The following ZNF804B variants were observed in gnomAD, a reference collection of about 807,000 sequenced individuals.
The protein encoded by ZNF804B is zinc finger 804B.
Under a neutral mutation model 101.4 loss-of-function variants are expected in ZNF804B, and 80 were observed. The ratio of observed to expected loss-of-function variants is 0.79; its 90% confidence interval spans 0.66 to 0.95. The LOEUF (loss-of-function observed/expected upper bound fraction) is 0.95. Ranked by LOEUF, ZNF804B falls within the 40% of genes least tolerant of loss-of-function variation. ZNF804B has a pLI of 0.00. For missense variants in ZNF804B, 1,673 were observed against 1,561.9 expected (o/e 1.07, Z -1.20); for synonymous variants, 622 against 558.8 (o/e 1.11, Z -1.59).
At chr7:89,131,849 A>G (rs1479536719) in intron 1 of ZNF804B, among the ~76,000 whole-genome samples, 1 of 151,982 alleles carries the variant, frequency 6.6e-6, no homozygotes, top group African/African-American at 2.4e-5. Context: ...CTGGAGACGT[A>G]CTCAACCTGT....
chr7:89,035,930 ATATAT>A lies in ZNF804B; in HGVS notation c.109-182214_109-182210del, dbSNP rs561797978. On this transcript the variant is annotated intron_variant, in intron 1 of 3. Coordinates refer to ENST00000333190, the MANE Select transcript of ZNF804B (RefSeq NM_181646.5). ...TTTATATATTATATATAATATATTA[ATATAT>A]TATATTATATATTTATATTATATAC... Among the ~76,000 whole-genome samples, 834 of 144,796 alleles carry A rather than the reference ATATAT, an allele frequency of 5.8e-3. 12 individuals are homozygous for A. Among genetic ancestry groups the A allele is most frequent in the African/African-American group, 0.02 (783 of 39,768 alleles). 95.0% of individuals were successfully genotyped at this position (144,796 alleles called of 152,430 possible).
intron 1 of ZNF804B, among the ~76,000 whole-genome samples, chr7:89,068,678 G>A (rs1380178467): frequency 1.3e-5 from 2 of 152,186 alleles, no homozygotes; most frequent in African/African-American, 2.4e-5. Flanking sequence ...TACCTGGAAT[G>A]TTTTAACATT....
At chr7:88,922,697 C>T (rs1792736277) in intron 1 of ZNF804B, among the ~76,000 whole-genome samples, 1 of 151,782 alleles carries the variant, frequency 6.6e-6, no homozygotes, top group Non-Finnish European at 1.5e-5. Context: ...GTGTAATGTG[C>T]TATTTACCAA....
At chr7:88,867,120 C>T (rs1420981829) in intron 1 of ZNF804B, among the ~76,000 whole-genome samples, 1 of 152,092 alleles carries the variant, frequency 6.6e-6, no homozygotes, top group African/African-American at 2.4e-5. Flanking sequence ...AAGGAAAACC[C>T]TTGACATCAT....
At chr7:89,327,254 C>G (rs1331241408) in intron 2 of ZNF804B, 90 bp from the exon 3 acceptor site, 1 of 1,298,778 alleles carries the variant, frequency 7.7e-7, no homozygotes, top group African/African-American at 1.5e-5. Flanking sequence ...CACCTCTGCA[C>G]TTAGGATAAA....
chr7:88,957,330 T>C (rs989207353), intron 1 of ZNF804B, among the ~76,000 whole-genome samples: 8 of 151,482 alleles, frequency 5.3e-5, no homozygotes, highest in Admixed American at 4.6e-4. Flanking sequence ...CATTGCATTA[T>C]GATTTTCTAT....
chr7:88,876,011 C>G (rs1236477810), intron 1 of ZNF804B, among the ~76,000 whole-genome samples: 1 of 152,114 alleles, frequency 6.6e-6, no homozygotes, highest in Admixed American at 6.6e-5. Context: ...TCAATATATG[C>G]AAATCAATAA....
chr7:89,038,871 G>T (rs1043687895), intron 1 of ZNF804B, among the ~76,000 whole-genome samples: 4 of 151,848 alleles, frequency 2.6e-5, no homozygotes, highest in Admixed American at 6.6e-5. Flanking sequence ...AATTCTTCTG[G>T]AAGTGGATAT....
chr7:89,066,134 G>T (rs975986473), intron 1 of ZNF804B, among the ~76,000 whole-genome samples: 1 of 152,164 alleles, frequency 6.6e-6, no homozygotes, highest in Non-Finnish European at 1.5e-5. Context: ...GTGTTGGATA[G>T]TTTCAAGCAT....
chr7:88,945,911 A>G (rs1793121405), intron 1 of ZNF804B, among the ~76,000 whole-genome samples: 2 of 152,044 alleles, frequency 1.3e-5, no homozygotes, highest in Non-Finnish European at 2.9e-5. Context: ...GGTGTATAGG[A>G]ATGCTTGTGA....
intron 1 of ZNF804B, among the ~76,000 whole-genome samples, chr7:88,988,345 G>T (rs1413065944): frequency 6.6e-6 from 1 of 152,008 alleles, no homozygotes; most frequent in Non-Finnish European, 1.5e-5. Context: ...GTGGAGACTT[G>T]GTTTCTGAGC....
chr7:89,001,875 C>G (rs2116173769), intron 1 of ZNF804B, among the ~76,000 whole-genome samples: 1 of 151,464 alleles, frequency 6.6e-6, no homozygotes, highest in South Asian at 2.1e-4. Flanking sequence ...TATTATTGTC[C>G]TTTTCTTATC....
chr7:88,966,142 G>C (rs1019366779), intron 1 of ZNF804B, among the ~76,000 whole-genome samples: 2 of 151,348 alleles, frequency 1.3e-5, no homozygotes, highest in Non-Finnish European at 3.0e-5. Flanking sequence ...AGCATGTTTT[G>C]AAGGAATTCT....
chr7:88,845,295 G>GCACACACACA (rs1260085679), intron 1 of ZNF804B, among the ~76,000 whole-genome samples: 6 of 101,312 alleles, frequency 5.9e-5, no homozygotes, highest in African/African-American at 2.6e-4. Flanking sequence ...GCGCGCGCAC[G>GCACACACACA]CGCGCGCACA....
At chr7:88,819,609 A>T (rs1790943190) in intron 1 of ZNF804B, among the ~76,000 whole-genome samples, 3 of 152,134 alleles carry the variant, frequency 2.0e-5, no homozygotes, top group Non-Finnish European at 4.4e-5. Context: ...TGTCCTAGGG[A>T]CACAAAAGTG....
In ZNF804B at chr7:89,098,276, T is replaced by A. The variant is rs199669854; in HGVS notation, c.109-119879T>A. ...AAGGCAAAAAGCATCATCATAATTT[T>A]TTTTTTTTTTTTTGAGATAGAGTCT... On this transcript the variant is annotated intron_variant, in intron 1 of 3. Coordinates refer to ENST00000333190, the MANE Select transcript of ZNF804B (RefSeq NM_181646.5). Among the ~76,000 whole-genome samples, 7 of 151,232 alleles carry A rather than the reference T, an allele frequency of 4.6e-5. No homozygotes were observed. The East Asian group carries it at 1.4e-3, about 29-fold the overall frequency.
At chr7:89,327,543 T>C in intron 3 of ZNF804B, 69 bp downstream of exon 3, 1 of 1,566,630 alleles carries the variant, frequency 6.4e-7, no homozygotes, top group Non-Finnish European at 8.6e-7. Flanking sequence ...TAAAGGCAAA[T>C]CTACTGTAAC....
chr7:89,172,422 T>C (rs1321271398), intron 1 of ZNF804B, among the ~76,000 whole-genome samples: 1 of 152,138 alleles, frequency 6.6e-6, no homozygotes, highest in African/African-American at 2.4e-5. Context: ...TTGAGAGTGA[T>C]TGTGGCTATG....
At chr7:88,891,559 A>C (rs1260934530) in intron 1 of ZNF804B, among the ~76,000 whole-genome samples, 1 of 152,066 alleles carries the variant, frequency 6.6e-6, no homozygotes, top group African/African-American at 2.4e-5. Flanking sequence ...TTGAATTATA[A>C]ATTTGAGAAC....
Sources: allele counts gnomAD v4.1 joint callset (sites outside exome capture counted in the v4.1 genomes callset), GRCh38; gene constraint gnomAD v4.1.1; transcripts MANE v1.5; gene names NCBI Gene and HGNC (gene_info 2026-07-23, HGNC 2026-07-21).